Variants in TIAM1 observed in about 807,000 individuals in gnomAD.
The protein encoded by TIAM1 is TIAM Rac1 associated GEF 1.
TIAM1 carries 65 observed loss-of-function variants against 163.5 expected under a neutral mutation model. That is an observed-to-expected ratio of 0.40 (90% CI 0.33 to 0.49). The LOEUF is 0.49. Ranked by LOEUF, TIAM1 falls within the 20% of genes least tolerant of loss-of-function variation. TIAM1 has a pLI of 0.77. For synonymous variants in TIAM1, 833 were observed against 810.1 expected, an observed-to-expected ratio of 1.03 and a Z score of -0.48; for missense variants, 1,789 against 2,044.7, an observed-to-expected ratio of 0.87 and a Z score of 2.41.
intron 1 of TIAM1, among the ~76,000 whole-genome samples, chr21:31,482,787 A>G (rs1158520508): frequency 1.3e-5 from 2 of 152,216 alleles, no homozygotes; most frequent in African/African-American, 2.4e-5. Flanking sequence ...AGTCAAGGCC[A>G]ACGTAACACT....
chr21:31,136,576 G>T (rs1446238319), intron 22 of TIAM1, among the ~76,000 whole-genome samples: 1 of 152,152 alleles, frequency 6.6e-6, no homozygotes, highest in African/African-American at 2.4e-5. Context: ...GGAATACAGG[G>T]GAGAGAAAAG....
intron 2 of TIAM1, among the ~76,000 whole-genome samples, chr21:31,329,941 A>G (rs2075625096): frequency 6.6e-6 from 1 of 152,214 alleles, no homozygotes; most frequent in African/African-American, 2.4e-5. Flanking sequence ...GAGATTTCCC[A>G]TATACCTCCT....
chr21:31,554,367 T>C (rs2123331210), intron 1 of TIAM1, among the ~76,000 whole-genome samples: 1 of 152,292 alleles, frequency 6.6e-6, no homozygotes, highest in African/African-American at 2.4e-5. Flanking sequence ...ATACAGGTGT[T>C]ATTTTCTTAA....
Position 31,210,650 on chromosome 21 carries a change from AAAG to A in TIAM1, c.2218-438_2218-436del, listed in dbSNP as rs1206826096. Among the ~76,000 whole-genome samples, 29 of 20,674 alleles carry A rather than the reference AAAG, an allele frequency of 1.4e-3. 1 individual carries two copies. The highest frequency in any genetic ancestry group is 0.017 in the Middle Eastern group (1 of 60). 13.6% of individuals were successfully genotyped at this position (20,674 alleles called of 152,430 possible). On this transcript the variant is annotated intron_variant, in intron 10 of 27. Transcript: ENST00000541036. ...GAAAGAAAGAAAGAAAGAAAGAAAGAAAGAAAGAAAGAAAGAAAAAGAAAGAAA... is the reference window on the plus strand; with the variant it reads ...GAAAGAAAGAAAGAAAGAAAGAAAGAAAAGAAAGAAAGAAAAAGAAAGAAA...
At chr21:31,549,789 T>C (rs1030581925) in intron 1 of TIAM1, among the ~76,000 whole-genome samples, 3 of 152,214 alleles carry the variant, frequency 2.0e-5, no homozygotes, top group Admixed American at 6.5e-5. Context: ...GAATTACGTA[T>C]GACGTAGCAA....
intron 1 of TIAM1, among the ~76,000 whole-genome samples, chr21:31,526,552 C>T (rs1380171812): frequency 1.3e-5 from 2 of 152,218 alleles, no homozygotes; most frequent in East Asian, 1.9e-4. Flanking sequence ...TTTTCTAAGA[C>T]GATATGACAA....
chr21:31,520,339 A>T (rs2147493252), intron 1 of TIAM1, among the ~76,000 whole-genome samples: 2 of 152,280 alleles, frequency 1.3e-5, no homozygotes, highest in Middle Eastern at 6.8e-3. Flanking sequence ...CTCAAAAAAA[A>T]AAAAAAAGAA....
At chr21:31,200,536 G>A (rs1437366604) in intron 12 of TIAM1, among the ~76,000 whole-genome samples, 1 of 152,068 alleles carries the variant, frequency 6.6e-6, no homozygotes, top group Non-Finnish European at 1.5e-5. Flanking sequence ...TATGCTCATC[G>A]TTACCTCAGA....
intron 1 of TIAM1, among the ~76,000 whole-genome samples, chr21:31,474,269 C>A (rs911400566): frequency 5.3e-5 from 8 of 152,128 alleles, no homozygotes; most frequent in Non-Finnish European, 7.4e-5. Flanking sequence ...GCATCCAAAT[C>A]GTATTAGAGA....
intron 2 of TIAM1, among the ~76,000 whole-genome samples, chr21:31,334,213 T>G (rs1302633411): frequency 6.6e-6 from 1 of 152,128 alleles, no homozygotes; most frequent in East Asian, 1.9e-4. Flanking sequence ...CTCTTGTGCT[T>G]TCTTTGAAGA....
intron 1 of TIAM1, among the ~76,000 whole-genome samples, chr21:31,501,126 C>T (rs1348335554): frequency 6.6e-6 from 1 of 152,018 alleles, no homozygotes; most frequent in Non-Finnish European, 1.5e-5. Flanking sequence ...GGACTCGCCA[C>T]CATTTGGGGT....
chr21:31,557,843 G>A (rs1193946704), intron 1 of TIAM1, among the ~76,000 whole-genome samples: 2 of 152,174 alleles, frequency 1.3e-5, no homozygotes, highest in African/African-American at 2.4e-5. Context: ...GACTGGAACC[G>A]GGTGAGTGTG....
At chr21:31,501,705 C>T (rs1033314383) in intron 1 of TIAM1, among the ~76,000 whole-genome samples, 14 of 152,114 alleles carry the variant, frequency 9.2e-5, no homozygotes, top group South Asian at 4.2e-4. Context: ...CAGGTTCAAG[C>T]GATTCTCCTG....
chr21:31,322,029 A>G (rs116851677), intron 2 of TIAM1, among the ~76,000 whole-genome samples: 1,697 of 152,252 alleles, frequency 0.011, 80 homozygotes, highest in Admixed American at 0.091. Context: ...ATGAGACTCC[A>G]TATCAAAACA....
chr21:31,298,522 C>T (rs189403941), intron 2 of TIAM1, among the ~76,000 whole-genome samples: 1 of 152,124 alleles, frequency 6.6e-6, no homozygotes, highest in Non-Finnish European at 1.5e-5. Flanking sequence ...ATTGGCATTT[C>T]CAAATATCAG....
chr21:31,466,760 C>T (rs943585034), intron 1 of TIAM1, among the ~76,000 whole-genome samples: 19 of 152,088 alleles, frequency 1.2e-4, no homozygotes, highest in African/African-American at 2.9e-4. Flanking sequence ...TTTCTTCCCG[C>T]GTATAATTGC....
At chr21:31,168,094 ATTTTT>A (rs11307082) in intron 15 of TIAM1, among the ~76,000 whole-genome samples, 1 of 141,774 alleles carries the variant, frequency 7.1e-6, no homozygotes. Flanking sequence ...GATTCTTATT[ATTTTT>A]TTTTTTTTTT....
rs1176378024 is a variant in TIAM1, at chr21:31,214,762, G to A, written c.2143-1290C>T. ...AATTGAGAAAAAGCCTTTCCTCCAT[G>A]CAAATAAAATATACAAAAACATACA... On this transcript the variant is annotated intron_variant, in intron 9 of 27. Transcript: ENST00000541036. Among the ~76,000 whole-genome samples, 3 of 152,042 alleles carry A rather than the reference G, an allele frequency of 2.0e-5. No individual in the cohort carries two copies. In the South Asian group the frequency reaches 6.2e-4, roughly 32 times the overall value.
chr21:31,132,665 G>A (rs1462526162), intron 23 of TIAM1, among the ~76,000 whole-genome samples: 1 of 152,078 alleles, frequency 6.6e-6, no homozygotes, highest in Non-Finnish European at 1.5e-5. Flanking sequence ...CAGCAGGAGG[G>A]CCAGAAAGTG....
Sources: gnomAD v4.1 joint callset for allele counts (sites outside exome capture counted in the v4.1 genomes callset) on GRCh38, gnomAD v4.1.1 for gene constraint, MANE v1.5 for transcripts, NCBI Gene and HGNC (gene_info 2026-07-23, HGNC 2026-07-21) for gene names.